NBEA: variants seen among roughly 807,000 people sequenced by gnomAD.
The protein encoded by NBEA is lysosomal-trafficking regulator 2.
In NBEA, 44 loss-of-function variants were observed where a neutral mutation model predicts 343.4. The ratio of observed to expected loss-of-function variants is 0.13; its 90% CI spans 0.10 to 0.16. NBEA has a LOEUF of 0.16. Ranked by LOEUF, NBEA falls within the 10% of genes least tolerant of loss-of-function variation. The probability of loss-of-function intolerance (pLI) is 1.00; values close to 1 mark genes in which losing one functional copy is unlikely to be tolerated. For synonymous variants in NBEA, 1,175 were observed against 1,238.7 expected, an observed-to-expected ratio of 0.95 and a Z score of 1.08; for missense variants, 2,555 against 3,631.3, an observed-to-expected ratio of 0.70 and a Z score of 7.62.
At chr13:35,183,166 A>G (rs1482323409) in intron 29 of NBEA, among the ~76,000 whole-genome samples, 1 of 151,918 alleles carries the variant, frequency 6.6e-6, no homozygotes, top group Non-Finnish European at 1.5e-5. Context: ...AGCTTTGCCC[A>G]CTCTACTTGA....
intron 39 of NBEA, among the ~76,000 whole-genome samples, chr13:35,442,304 G>A (rs898883139): frequency 6.6e-6 from 1 of 151,970 alleles, no homozygotes; most frequent in African/African-American, 2.4e-5. Flanking sequence ...CCAAAAAGAC[G>A]CAAGTTTTCT....
intron 31 of NBEA, among the ~76,000 whole-genome samples, chr13:35,198,204 C>T (rs1178250448): frequency 2.0e-5 from 3 of 151,988 alleles, no homozygotes; most frequent in African/African-American, 4.8e-5. Context: ...TATGTTTTCA[C>T]GATATGCCTA....
rs542948148 is a variant in NBEA, at chr13:35,553,284, G to A, written c.6807-1703G>A. ...TCATAATGCCATTCTATCTTCAAAC[G>A]TCCTTTTGTTGTCCTTGGCTTATTT... On this transcript the variant is annotated intron_variant, in intron 43 of 58. Transcript: ENST00000379939. 4.6e-4 allele frequency among the ~76,000 whole-genome samples: 70 copies of A among 152,078 alleles called. No homozygotes were observed. In the South Asian group the frequency reaches 4.8e-3, roughly 10 times the overall value.
intron 35 of NBEA, among the ~76,000 whole-genome samples, chr13:35,308,524 A>ATATATG (rs1555361118): frequency 8.5e-6 from 1 of 117,614 alleles, no homozygotes; most frequent in Non-Finnish European, 1.7e-5. Flanking sequence ...GTATATATGT[A>ATATATG]TATATATGTA....
chr13:35,280,207 A>G (rs960893864), intron 34 of NBEA, among the ~76,000 whole-genome samples: 1 of 152,118 alleles, frequency 6.6e-6, no homozygotes, highest in Non-Finnish European at 1.5e-5. Context: ...CTTATAAACT[A>G]TTTACTTAAA....
chr13:35,292,057 T>A (rs1387449151), intron 35 of NBEA, among the ~76,000 whole-genome samples: 2 of 151,984 alleles, frequency 1.3e-5, no homozygotes, highest in African/African-American at 4.8e-5. Flanking sequence ...TAGCTCCCAA[T>A]TGTTTTTGTT....
intron 49 of NBEA, among the ~76,000 whole-genome samples, chr13:35,633,285 G>T (rs1486538734): frequency 6.6e-6 from 1 of 151,286 alleles, no homozygotes; most frequent in African/African-American, 2.4e-5. Context: ...TGTATTTTTA[G>T]TAGAGATGGG....
At chr13:35,431,180 GT>G (rs1282219962) in intron 38 of NBEA, among the ~76,000 whole-genome samples, 1 of 151,978 alleles carries the variant, frequency 6.6e-6, no homozygotes, top group Non-Finnish European at 1.5e-5. Context: ...GCGAGACATT[GT>G]GCTAGAAATA....
rs1264469457 is a variant in NBEA at position 35,472,453 on chromosome 13, A to G, written c.6502A>G (p.Lys2168Glu). Residue 2168 changes from lysine to glutamate, a missense_variant, in exon 41 of 59, where the codon AAG (lysine) becomes GAG (glutamate). This residue lies in a region of NBEA where 246 missense variants were observed against 313.7 expected (regional missense o/e 0.78). Transcript: ENST00000379939. ...GCTCATCGCTCCCGTGGTGGTGGCC[A>G]AGGGGACTCTCTCCATCACCACGAC... ...AQLIAPVVVA[K>E]GTLSITTTEI... 5.6e-6 allele frequency: 9 copies of G among 1,613,874 alleles called. No individual in the cohort carries two copies. Among genetic ancestry groups the G allele is most frequent in the East Asian group, 4.5e-5 (2 of 44,874 alleles).
intron 38 of NBEA, among the ~76,000 whole-genome samples, chr13:35,393,557 A>T (rs903491520): frequency 6.6e-6 from 1 of 152,070 alleles, no homozygotes; most frequent in Non-Finnish European, 1.5e-5. Context: ...TTTTATTGAG[A>T]TTATTTAAAT....
Position 35,056,112 on chromosome 13 carries a change from C to T in NBEA, c.1075C>T (p.His359Tyr), listed in dbSNP as rs760608818. The T allele has an allele frequency of 1.3e-6, 2 of 1,593,338 alleles. No homozygotes were observed. The highest frequency in any genetic ancestry group is 1.2e-5 in the South Asian group (1 of 85,904). ...QLVSYGDMAWHVNTNDSYDKC... is the reference protein window; with the variant it reads ...QLVSYGDMAWYVNTNDSYDKC... ...GGTATCTTATGGTGATATGGCTTGG[C>T]ATGTTAACACAAATGATGTAAGTCT... is the stretch of plus-strand genomic sequence containing the variant. The change falls in exon 7 of 59, where the codon CAT becomes TAT. Residue 359 changes from histidine (H) to tyrosine (Y), a missense_variant. Around this residue, in one of 21 missense-constraint regions of NBEA, gnomAD observed 75 missense variants for 237.4 expected, o/e 0.32. Coordinates refer to ENST00000379939, the MANE Select transcript of NBEA (RefSeq NM_001385012.1).
At chr13:35,213,272 A>AT (rs2073887774) in intron 33 of NBEA, among the ~76,000 whole-genome samples, 1 of 151,990 alleles carries the variant, frequency 6.6e-6, no homozygotes, top group South Asian at 2.1e-4. Context: ...AGTTTTTCAT[A>AT]TACACTTGAT....
rs74859977 is a variant in NBEA, at chr13:35,653,182, G to A, written c.8035+1306G>A. The stretch of plus-strand genomic sequence containing the variant: ...CATCTTAGTCTTTCGAGGCCCTTCC[G>A]GTTTCATATATGTAAGACAGTTTTT... On this transcript the variant is annotated intron_variant, in intron 53 of 58. Transcript: ENST00000379939. Among the ~76,000 whole-genome samples the A allele has an allele frequency of 4.9e-3, 748 of 152,010 alleles. 14 individuals are homozygous for A. The East Asian group carries it at 0.061, about 12-fold the overall frequency.
In NBEA at chr13:35,528,702, A is replaced by G. The variant is rs534352422; in HGVS notation, c.6586-21775A>G. ...ACAAAATTATACATTAAGGCTCAAA[A>G]TCATTATACACTAGAAATACATATT... On this transcript the variant is annotated intron_variant, in intron 41 of 58. Coordinates refer to ENST00000379939, the MANE Select transcript of NBEA (RefSeq NM_001385012.1). 9.2e-5 allele frequency among the ~76,000 whole-genome samples: 14 copies of G among 152,310 alleles called. No homozygotes were observed. In the South Asian group the frequency reaches 2.1e-3, roughly 23 times the overall value.
At chr13:35,508,045 A>G (rs1370952287) in intron 41 of NBEA, among the ~76,000 whole-genome samples, 1 of 152,164 alleles carries the variant, frequency 6.6e-6, no homozygotes, top group East Asian at 1.9e-4. Flanking sequence ...TATTACCCTT[A>G]AAGATAGGAA....
intron 1 of NBEA, among the ~76,000 whole-genome samples, chr13:35,026,655 G>C (rs536675905): frequency 6.6e-6 from 1 of 152,168 alleles, no homozygotes; most frequent in East Asian, 1.9e-4. Context: ...CAATTGGCCA[G>C]CTAGATTGTT....
At chr13:35,276,040 A>G (rs1179529411) in intron 34 of NBEA, among the ~76,000 whole-genome samples, 3 of 152,154 alleles carry the variant, frequency 2.0e-5, no homozygotes, top group African/African-American at 7.2e-5. Context: ...AAAGTTGTAG[A>G]TGGCATATCT....
At chr13:35,432,110 G>GTA (rs1035773119) in intron 38 of NBEA, among the ~76,000 whole-genome samples, 159 bp from the exon 39 acceptor site, 13 of 148,918 alleles carry the variant, frequency 8.7e-5, no homozygotes, top group South Asian at 4.2e-4. Flanking sequence ...ATATATATAT[G>GTA]TATATATATA....
chr13:35,429,152 T>C (rs1386703958), intron 38 of NBEA, among the ~76,000 whole-genome samples: 3 of 152,192 alleles, frequency 2.0e-5, no homozygotes, highest in Non-Finnish European at 4.4e-5. Flanking sequence ...ATCCAACCTC[T>C]CCACATGGTC....
Sources: allele counts gnomAD v4.1 joint callset (sites outside exome capture counted in the v4.1 genomes callset), GRCh38; gene constraint gnomAD v4.1.1; regional missense constraint gnomAD v4.1.1; transcripts MANE v1.5; gene names NCBI Gene and HGNC (gene_info 2026-07-23, HGNC 2026-07-21).